The following NR6A1 variants were observed in gnomAD, a reference collection of about 807,000 sequenced individuals.
NR6A1 encodes the protein nuclear receptor subfamily 6 group A member 1.
NR6A1 carries 7 observed loss-of-function variants against 59.1 expected under a neutral mutation model. The observed-to-expected ratio is 0.12, with a 90% CI of 0.07 to 0.22. NR6A1 has a LOEUF of 0.22. Ranked by LOEUF, NR6A1 falls within the 10% of genes least tolerant of loss-of-function variation. NR6A1 has a pLI of 1.00. For missense variants in NR6A1, 468 were observed against 611.6 expected (o/e 0.77, Z 2.48); for synonymous variants, 243 against 236.1 (o/e 1.03, Z -0.27).
intron 2 of NR6A1, among the ~76,000 whole-genome samples, chr9:124,637,070 G>C (rs1182374496): frequency 6.6e-6 from 1 of 152,168 alleles, no homozygotes; most frequent in African/African-American, 2.4e-5. Context: ...GGAGGCAGGA[G>C]TGATACATCT....
intron 2 of NR6A1, among the ~76,000 whole-genome samples, chr9:124,568,879 C>A (rs574548809): frequency 1.3e-5 from 2 of 151,634 alleles, no homozygotes; most frequent in Non-Finnish European, 2.9e-5. Context: ...TTTGGGAGGC[C>A]GAGGCGGGCG....
intron 2 of NR6A1, among the ~76,000 whole-genome samples, chr9:124,651,351 G>A (rs1235235223): frequency 1.3e-5 from 2 of 152,110 alleles, no homozygotes; most frequent in African/African-American, 2.4e-5. Flanking sequence ...GAGCCACTGC[G>A]CCCAGCCACT....
At chr9:124,758,122 A>T (rs760316044) in intron 1 of NR6A1, among the ~76,000 whole-genome samples, 2 of 152,212 alleles carry the variant, frequency 1.3e-5, no homozygotes, top group African/African-American at 2.4e-5. Flanking sequence ...GAAAGGGAAT[A>T]TTTTTTTGTG....
At chr9:124,768,964 G>A (rs1329771859) in intron 1 of NR6A1, among the ~76,000 whole-genome samples, 1 of 152,006 alleles carries the variant, frequency 6.6e-6, no homozygotes, top group African/African-American at 2.4e-5. Context: ...AGATAGGTTG[G>A]GGTTTGGATT....
At chr9:124,702,852 C>A (rs1839005404) in intron 2 of NR6A1, among the ~76,000 whole-genome samples, 1 of 151,992 alleles carries the variant, frequency 6.6e-6, no homozygotes, top group Non-Finnish European at 1.5e-5. Flanking sequence ...CTCAGGCATT[C>A]CCTTAGAGCA....
intron 3 of NR6A1, among the ~76,000 whole-genome samples, chr9:124,553,549 C>CTTTTTTTTTTTTTTTTTTTTTTT (rs780925768): frequency 1.1e-4 from 5 of 47,324 alleles, no homozygotes; most frequent in Non-Finnish European, 1.2e-4. Flanking sequence ...TTTAGCTTGA[C>CTTTTTTTTTTTTTTTTTTTTTTT]TTTTTTTTTT....
At chr9:124,547,945 T>A (rs1216360154) in intron 3 of NR6A1, among the ~76,000 whole-genome samples, 1 of 152,172 alleles carries the variant, frequency 6.6e-6, no homozygotes, top group Non-Finnish European at 1.5e-5. Flanking sequence ...TTGAATAAGA[T>A]CTGCTAATAA....
chr9:124,566,959 T>C (rs1329744153), intron 2 of NR6A1, among the ~76,000 whole-genome samples: 3 of 151,658 alleles, frequency 2.0e-5, no homozygotes, highest in Non-Finnish European at 4.4e-5. Context: ...ATACAAAAAA[T>C]TAGCCGGGCG....
chr9:124,527,146 A>G (rs1356224625), intron 7 of NR6A1, among the ~76,000 whole-genome samples: 1 of 152,190 alleles, frequency 6.6e-6, no homozygotes, highest in Non-Finnish European at 1.5e-5. Flanking sequence ...CACACAAGCT[A>G]TGAGATCTTG....
At chr9:124,615,002 T>C (rs1246509806) in intron 2 of NR6A1, among the ~76,000 whole-genome samples, 1 of 152,206 alleles carries the variant, frequency 6.6e-6, no homozygotes, top group Admixed American at 6.5e-5. Flanking sequence ...GTTTACTCAG[T>C]CCTGGTGAGG....
chr9:124,586,949 T>C (rs896913368), intron 2 of NR6A1, among the ~76,000 whole-genome samples: 1 of 152,240 alleles, frequency 6.6e-6, no homozygotes, highest in Non-Finnish European at 1.5e-5. Flanking sequence ...CTACTGTGAA[T>C]AAAATGCTAT....
chr9:124,761,571 T>A (rs138857563), intron 1 of NR6A1, among the ~76,000 whole-genome samples: 9 of 152,318 alleles, frequency 5.9e-5, no homozygotes, highest in African/African-American at 1.9e-4. Flanking sequence ...GCCTCTCCTA[T>A]ACAGACTTTA....
At chr9:124,770,603 G>A (rs1053206193) in intron 1 of NR6A1, among the ~76,000 whole-genome samples, 18 of 149,490 alleles carry the variant, frequency 1.2e-4, no homozygotes, top group African/African-American at 4.2e-4. Flanking sequence ...GACGGACCGC[G>A]GTGGGGACTT....
chr9:124,713,318 G>A (rs1224166411), intron 2 of NR6A1, among the ~76,000 whole-genome samples: 4 of 151,336 alleles, frequency 2.6e-5, no homozygotes, highest in Admixed American at 1.3e-4. Context: ...AAAAACAGGA[G>A]ATAGCTTCAT....
intron 2 of NR6A1, among the ~76,000 whole-genome samples, chr9:124,639,754 G>A (rs1177121860): frequency 2.0e-5 from 3 of 152,180 alleles, no homozygotes; most frequent in Admixed American, 6.5e-5. Context: ...AGTAAGATGA[G>A]CACTGAGAAT....
intron 2 of NR6A1, among the ~76,000 whole-genome samples, chr9:124,657,142 CTCT>C (rs1420986447): frequency 6.6e-6 from 1 of 152,162 alleles, no homozygotes; most frequent in Non-Finnish European, 1.5e-5. Flanking sequence ...TGCTCATCTC[CTCT>C]TCTTTCGAAC....
intron 2 of NR6A1, among the ~76,000 whole-genome samples, chr9:124,605,291 G>T (rs1162727802): frequency 6.6e-6 from 1 of 152,196 alleles, no homozygotes; most frequent in Non-Finnish European, 1.5e-5. Flanking sequence ...GAAAAAAGAT[G>T]GAGGAGAAAA....
At chr9:124,620,018 G>A (rs970966580) in intron 2 of NR6A1, among the ~76,000 whole-genome samples, 5 of 152,052 alleles carry the variant, frequency 3.3e-5, no homozygotes, top group African/African-American at 7.2e-5. Flanking sequence ...CCAAGATTGC[G>A]CCATTGCACT....
chr9:124,630,726 TAG>T (rs1244189660), intron 2 of NR6A1, among the ~76,000 whole-genome samples: 1 of 133,312 alleles, frequency 7.5e-6, no homozygotes, highest in Non-Finnish European at 1.5e-5. Context: ...TTGCCCAGGC[TAG>T]AGTGCAATGG....
Sources: gnomAD v4.1 joint callset for allele counts (sites outside exome capture counted in the v4.1 genomes callset) on GRCh38, gnomAD v4.1.1 for gene constraint, MANE v1.5 for transcripts, NCBI Gene and HGNC (gene_info 2026-07-23, HGNC 2026-07-21) for gene names.